RGL1: variants seen among roughly 807,000 people sequenced by gnomAD.
RGL1 encodes ral guanine nucleotide dissociation stimulator-like 1.
RGL1 carries 24 observed loss-of-function variants against 95.2 expected under a neutral mutation model. The observed-to-expected ratio is 0.25, with a 90% CI of 0.18 to 0.35. The LOEUF is 0.35. Ranked by LOEUF, RGL1 falls within the 10% of genes least tolerant of loss-of-function variation. RGL1 has a pLI of 1.00. For synonymous variants in RGL1, 329 were observed against 344.9 expected, an observed-to-expected ratio of 0.95 and a Z score of 0.51; for missense variants, 715 against 936.3, an observed-to-expected ratio of 0.76 and a Z score of 3.08.
chr1:183,715,743 T>G (rs915099383), intron 1 of RGL1, among the ~76,000 whole-genome samples: 41 of 145,636 alleles, frequency 2.8e-4, no homozygotes, highest in African/African-American at 9.9e-4. Flanking sequence ...CCTGTATCTT[T>G]CTATAACTAT....
intron 13 of RGL1, 103 bp from the exon 14 acceptor site, chr1:183,906,909 C>T (rs1668362927): frequency 2.8e-6 from 2 of 726,042 alleles, no homozygotes; most frequent in African/African-American, 1.7e-5. Context: ...TTACTTTGAA[C>T]AATTAGAGCC....
At chr1:183,672,653 C>T (rs1652550462) in intron 1 of RGL1, among the ~76,000 whole-genome samples, 1 of 152,152 alleles carries the variant, frequency 6.6e-6, no homozygotes, top group South Asian at 2.1e-4. Flanking sequence ...ATCATTTCTA[C>T]ATGCTTTAGG....
At chr1:183,845,664 G>T (rs1664372568) in intron 2 of RGL1, among the ~76,000 whole-genome samples, 2 of 152,100 alleles carry the variant, frequency 1.3e-5, no homozygotes, top group South Asian at 4.1e-4. Context: ...TTCTCAGTCA[G>T]CTCTGTTGAT....
At chr1:183,795,136 T>C (rs1660633222) in intron 2 of RGL1, among the ~76,000 whole-genome samples, 1 of 152,190 alleles carries the variant, frequency 6.6e-6, no homozygotes. Context: ...CCCTAAGTGC[T>C]GGGATTACAG....
intron 4 of RGL1, among the ~76,000 whole-genome samples, chr1:183,875,313 A>G (rs181180976): frequency 6.6e-6 from 1 of 152,322 alleles, no homozygotes; most frequent in East Asian, 1.9e-4. Flanking sequence ...AATTTGTATT[A>G]AACATTTGAC....
chr1:183,803,062 T>C (rs576133439), upstream of RGL1, among the ~76,000 whole-genome samples: 1 of 152,362 alleles, frequency 6.6e-6, no homozygotes, highest in East Asian at 1.9e-4. Flanking sequence ...TTGCTCTATC[T>C]AGCATAAAGT....
chr1:183,822,796 A>C lies in RGL1; in HGVS notation c.138+16311A>C, dbSNP rs1482774359. Reference sequence around the variant, plus strand: ...GATTTTAGAGCACTTATCATAGTAGATTTGAGGGCTTCAAAGTCAAGTTCC... The same window carrying C: ...GATTTTAGAGCACTTATCATAGTAGCTTTGAGGGCTTCAAAGTCAAGTTCC... On this transcript the variant is annotated intron_variant, in intron 2 of 17. Coordinates refer to ENST00000360851, the MANE Select transcript of RGL1 (RefSeq NM_001297671.3). Among the ~76,000 whole-genome samples, 5 of 152,252 alleles carry C rather than the reference A, an allele frequency of 3.3e-5. No homozygotes were observed. In the East Asian group the frequency reaches 5.8e-4, roughly 18 times the overall value.
At chr1:183,795,276 A>G (rs1660640816) in intron 2 of RGL1, among the ~76,000 whole-genome samples, 1 of 152,256 alleles carries the variant, frequency 6.6e-6, no homozygotes, top group Admixed American at 6.5e-5. Flanking sequence ...TGATGAGAAA[A>G]AACTGACATT....
At chr1:183,874,808 G>A (rs1429504750) in intron 4 of RGL1, among the ~76,000 whole-genome samples, 1 of 152,140 alleles carries the variant, frequency 6.6e-6, no homozygotes, top group Admixed American at 6.5e-5. Flanking sequence ...CTTCTCATCA[G>A]GAAAATCATC....
intron 1 of RGL1, among the ~76,000 whole-genome samples, chr1:183,654,259 T>C (rs988241612): frequency 6.6e-6 from 1 of 152,186 alleles, no homozygotes; most frequent in African/African-American, 2.4e-5. Context: ...TTATTTTCAG[T>C]TTCATCTTCC....
chr1:183,696,517 C>G (rs2148624), intron 1 of RGL1, among the ~76,000 whole-genome samples: 106,082 of 152,030 alleles, frequency 0.7, 37,395 homozygotes, highest in East Asian at 0.91. Flanking sequence ...AGGTTGCCAG[C>G]CTCAATCCAC....
At chr1:183,920,000 A>G (rs1669222883) in intron 16 of RGL1, among the ~76,000 whole-genome samples, 1 of 152,098 alleles carries the variant, frequency 6.6e-6, no homozygotes, top group African/African-American at 2.4e-5. Context: ...TGCTGATGTA[A>G]TATTTGGGGT....
At chr1:183,665,065 A>G (rs1474322129) in intron 1 of RGL1, among the ~76,000 whole-genome samples, 1 of 152,112 alleles carries the variant, frequency 6.6e-6, no homozygotes, top group Non-Finnish European at 1.5e-5. Context: ...CCTAGTTTGC[A>G]GAGAGTTTTT....
intron 1 of RGL1, among the ~76,000 whole-genome samples, chr1:183,661,434 A>G (rs1651617589): frequency 6.6e-6 from 1 of 152,346 alleles, no homozygotes; most frequent in African/African-American, 2.4e-5. Flanking sequence ...AAACACCTCT[A>G]TGCAAATAAA....
intron 2 of RGL1, among the ~76,000 whole-genome samples, chr1:183,765,816 C>G (rs1658933413): frequency 6.6e-6 from 1 of 152,104 alleles, no homozygotes; most frequent in Admixed American, 6.6e-5. Flanking sequence ...TAGCTATAGT[C>G]AAAGACACAA....
intron 14 of RGL1, among the ~76,000 whole-genome samples, chr1:183,911,072 A>G (rs1668614997): frequency 6.6e-6 from 1 of 152,136 alleles, no homozygotes; most frequent in Admixed American, 6.5e-5. Context: ...TCACGAGTTT[A>G]TCTTTATCAG....
At chr1:183,790,316 C>T (rs967488513) in intron 2 of RGL1, among the ~76,000 whole-genome samples, 12 of 152,148 alleles carry the variant, frequency 7.9e-5, no homozygotes, top group African/African-American at 2.9e-4. Flanking sequence ...CCAGTAGGTC[C>T]ACTTTTGTCC....
intron 1 of RGL1, among the ~76,000 whole-genome samples, chr1:183,731,798 TA>T (rs978146932): frequency 1.5e-4 from 23 of 152,310 alleles, no homozygotes; most frequent in African/African-American, 5.5e-4. Context: ...TACACTTGTG[TA>T]TTTCTCTCTT....
intron 1 of RGL1, among the ~76,000 whole-genome samples, chr1:183,670,886 A>C (rs1652397568): frequency 6.6e-6 from 1 of 152,204 alleles, no homozygotes; most frequent in Non-Finnish European, 1.5e-5. Flanking sequence ...AATTGTTTCT[A>C]GTGTTGGGCT....
Sources: gnomAD v4.1 joint callset for allele counts (sites outside exome capture counted in the v4.1 genomes callset) on GRCh38, gnomAD v4.1.1 for gene constraint, MANE v1.5 for transcripts, NCBI Gene and HGNC (gene_info 2026-07-23, HGNC 2026-07-21) for gene names.